CTNNA1: variants seen among roughly 807,000 people sequenced by gnomAD.
CTNNA1 encodes the protein catenin alpha 1.
In CTNNA1, 37 loss-of-function variants were observed where a neutral mutation model predicts 98.4. That is an observed-to-expected ratio of 0.38 (90% CI 0.29 to 0.49). CTNNA1 has a LOEUF of 0.49. Among genes scored for constraint, CTNNA1 ranks in the 20% least tolerant of loss-of-function variants. The pLI is 0.95. For synonymous variants in CTNNA1, 404 were observed against 413.2 expected (o/e 0.98, Z 0.27); for missense variants, 761 against 1,147.2 (o/e 0.66, Z 4.86).
At chr5:138,885,583 C>T (rs949203376) in intron 7 of CTNNA1, among the ~76,000 whole-genome samples, 3 of 152,152 alleles carry the variant, frequency 2.0e-5, no homozygotes, top group African/African-American at 4.8e-5. Context: ...TGCTGTTTTA[C>T]ATACCACTTC....
At chr5:138,868,894 T>C (rs183044421) in intron 7 of CTNNA1, 46 of 152,164 alleles carry the variant, frequency 3.0e-4, no homozygotes, top group African/African-American at 1.1e-3. Context: ...AATTGATAGG[T>C]TATCAAGGAA....
chr5:138,821,757 A>G (rs1430645546), intron 5 of CTNNA1, among the ~76,000 whole-genome samples: 1 of 152,184 alleles, frequency 6.6e-6, no homozygotes, highest in Non-Finnish European at 1.5e-5. Flanking sequence ...TTGAACCATC[A>G]CTGGGTTGGT....
At chr5:138,833,596 A>T (rs1025899853) in intron 7 of CTNNA1, among the ~76,000 whole-genome samples, 9 of 152,318 alleles carry the variant, frequency 5.9e-5, no homozygotes, top group African/African-American at 1.7e-4. Flanking sequence ...TGTTATAAAA[A>T]TTATATGGGT....
At chr5:138,900,116 T>C (rs1193524844) in intron 9 of CTNNA1, among the ~76,000 whole-genome samples, 1 of 152,210 alleles carries the variant, frequency 6.6e-6, no homozygotes, top group East Asian at 1.9e-4. Flanking sequence ...ATGACCTGCA[T>C]TTGGGACTTT....
At chr5:138,916,177 C>CCAAAAAAAAAAAAA (rs1761701261) in intron 10 of CTNNA1, among the ~76,000 whole-genome samples, 1 of 115,128 alleles carries the variant, frequency 8.7e-6, no homozygotes, top group African/African-American at 3.6e-5. Flanking sequence ...TTAGTGGTTG[C>CCAAAAAAAAAAAAA]AAAAAAAAAA....
chr5:138,760,939 A>C (rs1364793970), intron 1 of CTNNA1, among the ~76,000 whole-genome samples: 4 of 152,124 alleles, frequency 2.6e-5, no homozygotes, highest in African/African-American at 9.7e-5. Context: ...GGCTGGTTGG[A>C]TATATAATAA....
chr5:138,818,134 CTT>C (rs781515010), intron 5 of CTNNA1, among the ~76,000 whole-genome samples: 8 of 133,458 alleles, frequency 6.0e-5, no homozygotes, highest in Admixed American at 7.4e-5. Context: ...TTTCCTTTTT[CTT>C]TTTTTTTTTT....
At chr5:138,844,127 AGGC>A (rs1762500586) in intron 7 of CTNNA1, among the ~76,000 whole-genome samples, 1 of 152,154 alleles carries the variant, frequency 6.6e-6, no homozygotes, top group Admixed American at 6.5e-5. Flanking sequence ...GCCACTCCAT[AGGC>A]AGAGCATTTT....
At chr5:138,878,993 C>T (rs375676378) in intron 7 of CTNNA1, among the ~76,000 whole-genome samples, 10 of 151,776 alleles carry the variant, frequency 6.6e-5, no homozygotes, top group Admixed American at 3.9e-4. Flanking sequence ...GGGTGGAGCA[C>T]GAGGTCAGGA....
chr5:138,854,875 G>T (rs1763584677), intron 7 of CTNNA1, among the ~76,000 whole-genome samples: 1 of 152,094 alleles, frequency 6.6e-6, no homozygotes, highest in African/African-American at 2.4e-5. Flanking sequence ...TCCCAGCATT[G>T]GTAATGTATT....
chr5:138,807,962 G>T (rs896681670), intron 3 of CTNNA1, among the ~76,000 whole-genome samples: 9 of 151,930 alleles, frequency 5.9e-5, no homozygotes, highest in African/African-American at 1.7e-4. Context: ...TGTTGGCCAG[G>T]CTGGTCTCAA....
At chr5:138,916,130 A>G (rs75029634) in intron 10 of CTNNA1, among the ~76,000 whole-genome samples, 2,358 of 151,646 alleles carry the variant, frequency 0.016, 27 homozygotes, top group Non-Finnish European at 0.025. Context: ...TATCTGAAAT[A>G]TCCAGAATAG....
At position 138,873,753 on chromosome 5, in the gene CTNNA1, A is replaced by G; in HGVS notation, c.1063-12459A>G. 3 of 1,614,056 alleles carry G rather than the reference A, an allele frequency of 1.9e-6. No homozygotes were observed. The highest frequency in any genetic ancestry group is 2.5e-6 in the Non-Finnish European group (3 of 1,179,892). On this transcript the variant is annotated intron_variant, in intron 7 of 17. Coordinates refer to ENST00000302763, the MANE Select transcript of CTNNA1 (RefSeq NM_001903.5). This position sits in a 1 kb window ranked among gnomAD's most constrained non-coding sequence, Gnocchi z 6.1. The stretch of plus-strand genomic sequence containing the variant: ...TTGGGCATCGTTTCAAACACTGTCA[A>G]GTCGATGGCTTTGATTTCATTTCCA...
At position 138,782,014 on chromosome 5, in the gene CTNNA1, G is replaced by T. The variant is rs1755165264; in HGVS notation, c.90G>T (p.Glu30Asp). ...IRTLAVERLL[E>D]PLVTQVTTLV... ...CTCTGGCAGTTGAGAGACTGTTGGA[G>T]CCTCTTGTTACACAGGTAAGAATCT... Residue 30 changes from glutamate to aspartate, a missense_variant, in exon 2 of 18, where the codon GAG (glutamate) becomes GAT (aspartate). By Grantham distance (45) the Glu-to-Asp change is conservative. Coordinates refer to ENST00000302763, the MANE Select transcript of CTNNA1 (RefSeq NM_001903.5). The T allele has an allele frequency of 1.9e-6, 3 of 1,609,076 alleles. No individual in the cohort carries two copies. In the African/African-American group the frequency reaches 4.0e-5, roughly 22 times the overall value.
chr5:138,925,161 C>T, intron 12 of CTNNA1, 95 bp from the exon 13 acceptor site: 2 of 1,376,870 alleles, frequency 1.5e-6, no homozygotes, highest in Non-Finnish European at 2.0e-6. Flanking sequence ...CATCATAAGC[C>T]TCACCTCTTT....
chr5:138,895,714 C>T (rs288005), intron 9 of CTNNA1, among the ~76,000 whole-genome samples: 54,444 of 151,904 alleles, frequency 0.36, 10,640 homozygotes, highest in African/African-American at 0.53. Flanking sequence ...GTACTAAATA[C>T]GTATTTTATA....
At chr5:138,890,694 A>G (rs1755145327) in intron 9 of CTNNA1, among the ~76,000 whole-genome samples, 1 of 152,176 alleles carries the variant, frequency 6.6e-6, no homozygotes. Flanking sequence ...TTATGGAGGC[A>G]TGATGATCCA....
chr5:138,886,111 G>GTACTGCT (rs1487918416), intron 7 of CTNNA1, 101 bp from the exon 8 acceptor site: 1 of 1,310,494 alleles, frequency 7.6e-7, no homozygotes, highest in African/African-American at 1.5e-5. Flanking sequence ...TTAAGAAGTT[G>GTACTGCT]TACTGCTTTT....
chr5:138,837,296 G>A (rs1469988648), intron 7 of CTNNA1, among the ~76,000 whole-genome samples: 4 of 152,128 alleles, frequency 2.6e-5, no homozygotes, highest in African/African-American at 7.2e-5. Context: ...AGTGACGTTC[G>A]TTATCATGTG....
Sources: gnomAD v4.1 joint callset for allele counts (sites outside exome capture counted in the v4.1 genomes callset) on GRCh38, gnomAD v4.1.1 for gene constraint, Gnocchi (gnomAD v3.1) non-coding constraint, MANE v1.5 for transcripts, NCBI Gene and HGNC (gene_info 2026-07-23, HGNC 2026-07-21) for gene names.